The following POU6F1 variants were observed in gnomAD, a reference collection of about 807,000 sequenced individuals.
POU6F1 encodes POU class 6 homeobox 1.
In POU6F1, 9 loss-of-function variants were observed where a neutral mutation model predicts 28.9. The observed-to-expected ratio is 0.31, with a 90% confidence interval of 0.19 to 0.54. The LOEUF (loss-of-function observed/expected upper bound fraction) is 0.54, where lower values mean the gene tolerates loss of function less well. Among genes scored for constraint, POU6F1 ranks in the 20% least tolerant of loss-of-function variants. The probability of loss-of-function intolerance (pLI) is 0.94; values close to 1 mark genes in which losing one functional copy is unlikely to be tolerated. For synonymous variants in POU6F1, 173 were observed against 171.1 expected, an observed-to-expected ratio of 1.01 and a Z score of -0.09; for missense variants, 338 against 426.1, an observed-to-expected ratio of 0.79 and a Z score of 1.82.
chr12:51,217,631 C>T lies in POU6F1; in HGVS notation c.-48+11G>A, dbSNP rs1944359137. On this transcript the variant is annotated intron_variant, in intron 1 of 10. Transcript: ENST00000333640. The surrounding 1 kb of genome is among the most constrained non-coding windows in gnomAD (Gnocchi z 5.3). ...TGCAAACCCCTCCCCGCCCCGGACCCCGCTACTTACCGGAGCCCGAGCCCG... is the reference window on the plus strand; with the variant it reads ...TGCAAACCCCTCCCCGCCCCGGACCTCGCTACTTACCGGAGCCCGAGCCCG... The T allele has an allele frequency of 1.3e-5, 2 of 152,100 alleles. No individual in the cohort carries two copies. The highest frequency in any genetic ancestry group is 4.8e-5 in the African/African-American group (2 of 41,418). The allele number at this position is 152,100 out of a possible 1,614,324, so 9.4% of individuals were successfully genotyped here.
chr12:51,211,378 A>AG (rs1943975364), intron 1 of POU6F1, among the ~76,000 whole-genome samples: 1 of 152,226 alleles, frequency 6.6e-6, no homozygotes, highest in Non-Finnish European at 1.5e-5. Flanking sequence ...CGCCTGGATC[A>AG]GGGCTGGCAA....
At chr12:51,196,706 A>G in intron 7 of POU6F1, 93 bp downstream of exon 7, 2 of 1,458,030 alleles carry the variant, frequency 1.4e-6, no homozygotes, top group Non-Finnish European at 1.9e-6. Flanking sequence ...CGTCTGTTCG[A>G]GTTTCTATGA....
chr12:51,192,281 C>T (rs1261428772), intron 9 of POU6F1, 49 bp downstream of exon 9: 1 of 1,598,872 alleles, frequency 6.3e-7, no homozygotes, highest in African/African-American at 1.3e-5. Flanking sequence ...TGGGTGCCCA[C>T]ATAAATGCCT....
In POU6F1 at chr12:51,206,348, G is replaced by A. The variant is rs572410805; in HGVS notation, c.48+441C>T. Among the ~76,000 whole-genome samples, 41 of 151,150 alleles carry A rather than the reference G, an allele frequency of 2.7e-4. No homozygotes were observed. In the East Asian group the frequency reaches 6.4e-3, roughly 24 times the overall value. On this transcript the variant is annotated intron_variant, in intron 2 of 10. Coordinates refer to ENST00000333640, the MANE Select transcript of POU6F1 (RefSeq NM_001330422.2). ...TGAGGCAGAAGAATGGTGTGAACCC[G>A]GGAGGCGGAGCTTGCAGTGAGCCGA...
chr12:51,191,836 C>T (rs1346746850), intron 9 of POU6F1, 72 bp from the exon 10 acceptor site: 1 of 1,569,760 alleles, frequency 6.4e-7, no homozygotes, highest in African/African-American at 1.4e-5. Flanking sequence ...GCTCATTGGT[C>T]TGAACTGACG....
intron 3 of POU6F1, among the ~76,000 whole-genome samples, chr12:51,203,782 CAGA>C (rs1164107395): frequency 1.3e-5 from 2 of 151,984 alleles, no homozygotes; most frequent in Admixed American, 6.5e-5. Flanking sequence ...AGGCTTCCTG[CAGA>C]AGGAGATGAC....
Position 51,192,449 on chromosome 12 carries a change from G to A in POU6F1, c.1202C>T (p.Pro401Leu), listed in dbSNP as rs764615642. Residue 401 changes from proline to leucine, a missense_variant, in exon 9 of 11, where the codon CCA (proline) becomes CTA (leucine). This residue lies in a region of POU6F1 where 206 missense variants were observed against 225.6 expected (regional missense o/e 0.91). Coordinates refer to ENST00000333640, the MANE Select transcript of POU6F1 (RefSeq NM_001330422.2). The stretch of plus-strand genomic sequence containing the variant: ...GACCACAGCAGGCTGGGGCACGGTT[G>A]GTGTGGGCTGGATGGGCTGCACCTG... ...KSEVQPIQPT[P>L]TVPQPAVVIA... 1.1e-5 allele frequency: 17 copies of A among 1,613,418 alleles called. No individual in the cohort carries two copies. The Admixed American group carries it at 2.2e-4, about 21-fold the overall frequency.
At chr12:51,215,555 C>CAAAAAA (rs11415220) in intron 1 of POU6F1, among the ~76,000 whole-genome samples, 1 of 88,610 alleles carries the variant, frequency 1.1e-5, no homozygotes, top group South Asian at 4.5e-4. Context: ...AACCCTGTCT[C>CAAAAAA]AAAAAAAAAA....
In POU6F1 at chr12:51,217,415, G is replaced by A. The variant is rs1218666590; in HGVS notation, c.-48+227C>T. ...GGGCGGGCGAGGGCGCGGCCCCCGG[G>A]TGTCTAGCCCCAGCTGGGCAACCGC... On this transcript the variant is annotated intron_variant, in intron 1 of 10. Transcript: ENST00000333640. The surrounding 1 kb of genome is among the most constrained non-coding windows in gnomAD (Gnocchi z 5.3). Among the ~76,000 whole-genome samples, 2 of 152,006 alleles carry A rather than the reference G, an allele frequency of 1.3e-5. No homozygotes were observed. Among genetic ancestry groups the A allele is most frequent in the Non-Finnish European group, 2.9e-5 (2 of 67,966 alleles).
intron 3 of POU6F1, chr12:51,202,314 G>A (rs1426545814): frequency 2.0e-5 from 3 of 151,872 alleles, no homozygotes; most frequent in Non-Finnish European, 4.4e-5. Flanking sequence ...TCCCTCCAAA[G>A]GGAATTTTAT....
chr12:51,200,474 C>T (rs921563936), intron 3 of POU6F1, among the ~76,000 whole-genome samples: 1 of 152,222 alleles, frequency 6.6e-6, no homozygotes, highest in Non-Finnish European at 1.5e-5. Flanking sequence ...GTCATGTGAG[C>T]AGCTTCAGTG....
At chr12:51,197,009 G>A in intron 6 of POU6F1, 82 bp from the exon 7 acceptor site, 2 of 757,562 alleles carry the variant, frequency 2.6e-6, no homozygotes, top group South Asian at 3.4e-5. Flanking sequence ...GAGGGCATTG[G>A]GGTGGGTAGA....
At chr12:51,197,011 G>T (rs1370445593) in intron 6 of POU6F1, 84 bp from the exon 7 acceptor site, 8 of 718,628 alleles carry the variant, frequency 1.1e-5, no homozygotes, top group African/African-American at 1.1e-4. Flanking sequence ...GGGCATTGGG[G>T]TGGGTAGATG....
intron 1 of POU6F1, among the ~76,000 whole-genome samples, chr12:51,214,603 A>G (rs1399599029): frequency 6.6e-6 from 1 of 152,176 alleles, no homozygotes; most frequent in African/African-American, 2.4e-5. Context: ...AGGCACACAC[A>G]GGCCAGAGAA....
intron 8 of POU6F1, 128 bp downstream of exon 8, chr12:51,195,842 C>A (rs1565607131): frequency 3.6e-6 from 4 of 1,103,194 alleles, no homozygotes; most frequent in Middle Eastern, 3.1e-4. Flanking sequence ...GGACCTCCCC[C>A]ACTTTAGGAA....
At chr12:51,213,549 T>C (rs1301052687) in intron 1 of POU6F1, among the ~76,000 whole-genome samples, 3 of 151,980 alleles carry the variant, frequency 2.0e-5, no homozygotes, top group Admixed American at 2.0e-4. Context: ...TTTTATTTTT[T>C]TGAGACGAGG....
chr12:51,206,584 C>CT (rs1943639452), intron 2 of POU6F1, among the ~76,000 whole-genome samples: 1 of 151,942 alleles, frequency 6.6e-6, no homozygotes, highest in South Asian at 2.1e-4. Context: ...ATTATGTACA[C>CT]TTTGATTTTA....
intron 5 of POU6F1, 79 bp downstream of exon 5, chr12:51,198,471 T>C: frequency 2.5e-6 from 1 of 396,856 alleles, no homozygotes; most frequent in South Asian, 1.4e-4. Context: ...GGGTTCTGAG[T>C]CCGACATGGC....
At chr12:51,202,317 A>AAATTT (rs1555159087) in intron 3 of POU6F1, 1 of 151,716 alleles carries the variant, frequency 6.6e-6, no homozygotes, top group Non-Finnish European at 1.5e-5. Flanking sequence ...CTCCAAAGGG[A>AAATTT]ATTTTATTTT....
Sources: allele counts gnomAD v4.1 joint callset (sites outside exome capture counted in the v4.1 genomes callset), GRCh38; gene constraint gnomAD v4.1.1; regional missense constraint gnomAD v4.1.1; non-coding constraint Gnocchi (gnomAD v3.1); transcripts MANE v1.5; gene names NCBI Gene and HGNC (gene_info 2026-07-23, HGNC 2026-07-21).